CLASP1: variants seen among roughly 807,000 people sequenced by gnomAD.
CLASP1 encodes the protein cytoplasmic linker associated protein 1, also known as CLIP-associating protein 1.
A neutral mutation model predicts 192.3 loss-of-function variants in CLASP1; 38 were observed. The ratio of observed to expected loss-of-function variants is 0.20; its 90% confidence interval spans 0.15 to 0.26. The LOEUF is 0.26. CLASP1 is among the 10% of genes least tolerant of loss of function. CLASP1 has a pLI of 1.00. For missense variants in CLASP1, 1,433 were observed against 1,932.5 expected, an observed-to-expected ratio of 0.74 and a Z score of 4.85; for synonymous variants, 691 against 712.8, an observed-to-expected ratio of 0.97 and a Z score of 0.49.
chr2:121,340,571 CA>C (rs1400813018), exon 40 of CLASP1: 1 of 312,760 alleles, frequency 3.2e-6, no homozygotes, highest in African/African-American at 2.2e-5. Context: ...CTGCACCCCA[CA>C]CACAGGGTTT....
intron 8 of CLASP1, among the ~76,000 whole-genome samples, chr2:121,484,882 C>T (rs1038247555): frequency 6.6e-6 from 1 of 152,164 alleles, no homozygotes; most frequent in African/African-American, 2.4e-5. Flanking sequence ...TGAGGATCTA[C>T]TACATTTCAG....
At chr2:121,546,926 C>G (rs2057497833) in intron 2 of CLASP1, among the ~76,000 whole-genome samples, 1 of 152,180 alleles carries the variant, frequency 6.6e-6, no homozygotes. Flanking sequence ...CCAACCACCA[C>G]CTACAGGTGC....
chr2:121,343,657 T>C (rs540252033), intron 39 of CLASP1, among the ~76,000 whole-genome samples: 3 of 152,012 alleles, frequency 2.0e-5, no homozygotes, highest in East Asian at 1.9e-4. Context: ...ATGCCAGGGG[T>C]TGGGAAAGAA....
chr2:121,384,007 T>TACACACACAC (rs771174974), intron 32 of CLASP1, among the ~76,000 whole-genome samples: 1 of 139,694 alleles, frequency 7.2e-6, no homozygotes, highest in Non-Finnish European at 1.5e-5. Flanking sequence ...TATATATATA[T>TACACACACAC]ACACACACAC....
intron 2 of CLASP1, among the ~76,000 whole-genome samples, chr2:121,599,724 T>C (rs13408557): frequency 0.18 from 26,671 of 151,100 alleles, 4,034 homozygotes; most frequent in African/African-American, 0.41. Context: ...GAGACCAGCC[T>C]GGCCAACATG....
intron 12 of CLASP1, 112 bp downstream of exon 12, chr2:121,459,868 A>T: frequency 2.1e-6 from 2 of 964,922 alleles, no homozygotes; most frequent in Non-Finnish European, 2.9e-6. Context: ...GGTCTTGGAG[A>T]CTAGTCAGAA....
At chr2:121,571,475 A>G (rs1265593425) in intron 2 of CLASP1, among the ~76,000 whole-genome samples, 2 of 152,212 alleles carry the variant, frequency 1.3e-5, no homozygotes, top group Non-Finnish European at 2.9e-5. Context: ...GGGTTCAGAC[A>G]CACAAAGAAA....
chr2:121,373,068 AATCTTAT>A (rs2069094094), intron 34 of CLASP1, among the ~76,000 whole-genome samples: 12 of 152,158 alleles, frequency 7.9e-5, no homozygotes, highest in Admixed American at 7.9e-4. Flanking sequence ...TACTCACCCA[AATCTTAT>A]GTCAAATTGC....
At position 121,555,988 on chromosome 2, in the gene CLASP1, C is replaced by CTTTTTTTTTTTTTTTTT. The variant is rs34423741; in HGVS notation, c.196-25680_196-25664dup. ...CACGGCGCCTGCCCCCTACCCACCG[C>CTTTTTTTTTTTTTTTTT]TTTTTTTTTTTTTTTTTTTTTTTTT... On this transcript the variant is annotated intron_variant, in intron 2 of 39. Coordinates refer to ENST00000263710, the Ensembl canonical transcript of CLASP1. 1.2e-4 allele frequency among the ~76,000 whole-genome samples: 5 copies of CTTTTTTTTTTTTTTTTT among 42,394 alleles called. 1 individual carries two copies. The highest frequency in any genetic ancestry group is 1.2e-3 in the South Asian group (1 of 860). 27.8% of individuals were successfully genotyped at this position (42,394 alleles called of 152,430 possible). A position where few individuals can be genotyped will look rare whatever the true frequency, so the allele number is the denominator to read the frequency against.
Position 121,638,064 on chromosome 2 carries a change from G to A in CLASP1, c.-286+11308C>T, listed in dbSNP as rs148664317. 1.3e-3 allele frequency among the ~76,000 whole-genome samples: 201 copies of A among 152,172 alleles called. 1 individual carries two copies. The highest frequency in any genetic ancestry group is 3.4e-3 in the Middle Eastern group (1 of 294). ...GAAAATATTTGCAAATCATATATCTGACAAAGGACTTGTAACCAAAAGATA... is the reference window on the plus strand; with the variant it reads ...GAAAATATTTGCAAATCATATATCTAACAAAGGACTTGTAACCAAAAGATA... On this transcript the variant is annotated intron_variant, in intron 1 of 39. Transcript: ENST00000263710.
intron 37 of CLASP1, among the ~76,000 whole-genome samples, chr2:121,349,875 C>T (rs1313881127): frequency 6.6e-6 from 1 of 152,168 alleles, no homozygotes; most frequent in Non-Finnish European, 1.5e-5. Flanking sequence ...GAAAGAGCCT[C>T]GGCCTTGGGC....
intron 1 of CLASP1, among the ~76,000 whole-genome samples, chr2:121,634,237 C>G (rs2070372545): frequency 1.3e-5 from 2 of 152,176 alleles, no homozygotes; most frequent in Admixed American, 1.3e-4. Flanking sequence ...GCTTGAGAGC[C>G]TTTCTCTCTG....
At chr2:121,453,427 TC>T (rs2085965136) in intron 14 of CLASP1, among the ~76,000 whole-genome samples, 1 of 152,070 alleles carries the variant, frequency 6.6e-6, no homozygotes, top group South Asian at 2.1e-4. Flanking sequence ...TGCAAGGGGC[TC>T]CAGCAGCTCA....
intron 6 of CLASP1, 81 bp downstream of exon 6, chr2:121,525,764 C>T (rs2094560099): frequency 1.1e-6 from 1 of 912,318 alleles, no homozygotes; most frequent in South Asian, 1.4e-5. Context: ...GGACTCCAGT[C>T]CCACCCACTA....
rs116176110 is a variant in CLASP1 at position 121,441,463 on chromosome 2, C to T, written c.1912+5874G>A. ...ATTTCCTGCCAGGCATGGTGGCTTACGCCTGTAATCCCAGCACTTTGGGAG... is the reference window on the plus strand; with the variant it reads ...ATTTCCTGCCAGGCATGGTGGCTTATGCCTGTAATCCCAGCACTTTGGGAG... On this transcript the variant is annotated intron_variant, in intron 19 of 39. Coordinates refer to ENST00000263710, the Ensembl canonical transcript of CLASP1. Among the ~76,000 whole-genome samples the T allele has an allele frequency of 5.5e-3, 840 of 152,314 alleles. 1 individual carries two copies. Among genetic ancestry groups the T allele is most frequent in the Non-Finnish European group, 8.6e-3 (586 of 68,014 alleles).
At chr2:121,399,430 T>C (rs766486331) in intron 28 of CLASP1, among the ~76,000 whole-genome samples, 1 of 152,152 alleles carries the variant, frequency 6.6e-6, no homozygotes, top group Non-Finnish European at 1.5e-5. Flanking sequence ...TCTGGCAGCA[T>C]GGGGTGGATG....
chr2:121,587,283 C>T (rs536504942), intron 2 of CLASP1, among the ~76,000 whole-genome samples: 128 of 152,156 alleles, frequency 8.4e-4, no homozygotes, highest in Non-Finnish European at 1.4e-3. Context: ...TAGATCAGAA[C>T]CTTAAGGGGT....
At chr2:121,427,454 G>A (rs1030647524) in intron 20 of CLASP1, 24 bp from the exon 21 acceptor site, 4 of 1,612,102 alleles carry the variant, frequency 2.5e-6, no homozygotes, top group African/African-American at 1.3e-5. Flanking sequence ...GCAGACCAAA[G>A]GACAGGCAAA....
At chr2:121,531,013 A>T (rs1405489923) in intron 2 of CLASP1, 3 of 700,116 alleles carry the variant, frequency 4.3e-6, no homozygotes, top group Admixed American at 2.0e-5. Flanking sequence ...GAAAAATGAA[A>T]ACCTGTTTTC....
Sources: gnomAD v4.1 joint callset for allele counts (sites outside exome capture counted in the v4.1 genomes callset) on GRCh38, gnomAD v4.1.1 for gene constraint, MANE v1.5 for transcripts, NCBI Gene and HGNC (gene_info 2026-07-23, HGNC 2026-07-21) for gene names.